ATRNL1: variants seen among roughly 807,000 people sequenced by gnomAD.
ATRNL1 encodes attractin like 1.
In ATRNL1, 95 loss-of-function variants were observed where a neutral mutation model predicts 182.7. The observed-to-expected ratio is 0.52, with a 90% CI of 0.44 to 0.62. The LOEUF (loss-of-function observed/expected upper bound fraction) is 0.62, where lower values mean the gene tolerates loss of function less well. Ranked by LOEUF, ATRNL1 falls within the 20% of genes least tolerant of loss-of-function variation. The pLI is 0.00. For synonymous variants in ATRNL1, 576 were observed against 568.3 expected, an observed-to-expected ratio of 1.01 and a Z score of -0.19; for missense variants, 1,471 against 1,679.5, an observed-to-expected ratio of 0.88 and a Z score of 2.17.
At chr10:115,168,515 T>G (rs11197097) in intron 7 of ATRNL1, among the ~76,000 whole-genome samples, 3,789 of 152,116 alleles carry the variant, frequency 0.025, 156 homozygotes, top group African/African-American at 0.086. Flanking sequence ...TCCTAGTGGG[T>G]TGAAGTATTA....
chr10:115,767,601 C>T (rs1948888698), intron 27 of ATRNL1, among the ~76,000 whole-genome samples: 1 of 152,166 alleles, frequency 6.6e-6, no homozygotes, highest in South Asian at 2.1e-4. Context: ...GCACCAGACT[C>T]ATTCTTGCAC....
At chr10:115,847,216 G>C (rs1259248823) in intron 27 of ATRNL1, among the ~76,000 whole-genome samples, 3 of 151,986 alleles carry the variant, frequency 2.0e-5, no homozygotes, top group African/African-American at 7.2e-5. Context: ...GGACAGGGAG[G>C]GGGAGGATAT....
intron 26 of ATRNL1, among the ~76,000 whole-genome samples, chr10:115,623,083 TTC>T (rs781809892): frequency 4.6e-5 from 7 of 152,280 alleles, no homozygotes; most frequent in Admixed American, 2.6e-4. Flanking sequence ...TAACATAACT[TTC>T]TCAGTAAATG....
At chr10:115,544,106 A>C (rs1320377943) in intron 25 of ATRNL1, among the ~76,000 whole-genome samples, 1 of 152,214 alleles carries the variant, frequency 6.6e-6, no homozygotes, top group African/African-American at 2.4e-5. Flanking sequence ...GAAAGAAAGC[A>C]GTAGATACTT....
At chr10:115,214,535 A>G (rs1345957492) in intron 8 of ATRNL1, among the ~76,000 whole-genome samples, 3 of 151,910 alleles carry the variant, frequency 2.0e-5, no homozygotes, top group Non-Finnish European at 4.4e-5. Context: ...TTTCTTTACT[A>G]CCTTAGAATT....
intron 28 of ATRNL1, among the ~76,000 whole-genome samples, chr10:115,921,027 A>G (rs1953041785): frequency 6.6e-6 from 1 of 152,248 alleles, no homozygotes; most frequent in African/African-American, 2.4e-5. Context: ...TACAGTATCA[A>G]ATAATGATAT....
intron 26 of ATRNL1, among the ~76,000 whole-genome samples, chr10:115,718,299 T>C (rs1947317624): frequency 6.6e-6 from 1 of 152,088 alleles, no homozygotes. Context: ...CCTCTGAGCA[T>C]TTTGTTTCCC....
intron 8 of ATRNL1, among the ~76,000 whole-genome samples, chr10:115,197,768 A>G (rs1411303234): frequency 2.0e-5 from 3 of 152,122 alleles, no homozygotes; most frequent in Non-Finnish European, 4.4e-5. Flanking sequence ...TCCTGCAAAT[A>G]TGGTATTTTC....
intron 8 of ATRNL1, among the ~76,000 whole-genome samples, chr10:115,202,423 TGA>T (rs1554892643): frequency 3.9e-5 from 6 of 152,044 alleles, no homozygotes. Flanking sequence ...CCTAATTTAT[TGA>T]GAGTTTTTAG....
At chr10:115,490,013 G>A (rs1417819852) in intron 24 of ATRNL1, among the ~76,000 whole-genome samples, 1 of 152,088 alleles carries the variant, frequency 6.6e-6, no homozygotes, top group Non-Finnish European at 1.5e-5. Flanking sequence ...GAAATTCTGG[G>A]TTGAAAATTC....
At chr10:115,150,026 A>G (rs1554880203) in intron 5 of ATRNL1, among the ~76,000 whole-genome samples, 2 of 151,668 alleles carry the variant, frequency 1.3e-5, no homozygotes, top group African/African-American at 2.4e-5. Flanking sequence ...TCAGTTTTTA[A>G]TGGTCTGTTT....
At chr10:115,566,600 T>C (rs1200711716) in intron 26 of ATRNL1, among the ~76,000 whole-genome samples, 4 of 152,256 alleles carry the variant, frequency 2.6e-5, no homozygotes, top group African/African-American at 9.6e-5. Flanking sequence ...ATTATGAATA[T>C]TTTAGGAATC....
chr10:115,369,828 G>T (rs1193074433), intron 19 of ATRNL1, among the ~76,000 whole-genome samples: 1 of 152,154 alleles, frequency 6.6e-6, no homozygotes, highest in African/African-American at 2.4e-5. Flanking sequence ...GATGATAAAT[G>T]ATGTGGAATA....
chr10:115,525,241 C>T (rs1851149240), intron 25 of ATRNL1, among the ~76,000 whole-genome samples: 1 of 152,152 alleles, frequency 6.6e-6, no homozygotes, highest in Non-Finnish European at 1.5e-5. Flanking sequence ...CCTATTTTCC[C>T]TTCAGAATAC....
At chr10:115,853,953 A>G (rs1951116726) in intron 28 of ATRNL1, among the ~76,000 whole-genome samples, 1 of 152,204 alleles carries the variant, frequency 6.6e-6, no homozygotes, top group Non-Finnish European at 1.5e-5. Context: ...TATCCAAAAT[A>G]CAGTTATTGT....
intron 18 of ATRNL1, among the ~76,000 whole-genome samples, chr10:115,321,363 G>A (rs1173065417): frequency 6.6e-6 from 1 of 152,162 alleles, no homozygotes; most frequent in Non-Finnish European, 1.5e-5. Context: ...TATTTGATAT[G>A]TGAGGGCTTA....
chr10:115,094,211 C>A (rs782751016), intron 1 of ATRNL1, among the ~76,000 whole-genome samples, 168 bp downstream of exon 1: 6 of 151,740 alleles, frequency 4.0e-5, no homozygotes, highest in Non-Finnish European at 8.8e-5. Flanking sequence ...CCGCGCCGCG[C>A]CCCCTCCAGC....
chr10:115,533,236 C>T (rs1422693571), intron 25 of ATRNL1, among the ~76,000 whole-genome samples: 1 of 151,682 alleles, frequency 6.6e-6, no homozygotes, highest in African/African-American at 2.4e-5. Flanking sequence ...TGGTCCTGGA[C>T]TCTTTTTGGT....
chr10:115,234,877 G>T (rs79766193), intron 9 of ATRNL1, among the ~76,000 whole-genome samples: 1 of 151,988 alleles, frequency 6.6e-6, no homozygotes, highest in Non-Finnish European at 1.5e-5. Context: ...GTATGAGCCG[G>T]ATTTGATTTC....
Sources: gnomAD v4.1 joint callset for allele counts (sites outside exome capture counted in the v4.1 genomes callset) on GRCh38, gnomAD v4.1.1 for gene constraint, MANE v1.5 for transcripts, NCBI Gene and HGNC (gene_info 2026-07-23, HGNC 2026-07-21) for gene names.